The following EDIL3 variants were observed in gnomAD, a reference collection of about 807,000 sequenced individuals.
EDIL3 encodes the protein EGF-like repeat and discoidin I-like domain-containing protein 3.
In EDIL3, 37 loss-of-function variants were observed where a neutral mutation model predicts 67.4. That is an observed-to-expected ratio of 0.55 (90% CI 0.42 to 0.72). The LOEUF is 0.72. Ranked by LOEUF, EDIL3 falls within the 30% of genes least tolerant of loss-of-function variation. EDIL3 has a pLI of 0.00. For missense variants in EDIL3, 527 were observed against 586.3 expected, an observed-to-expected ratio of 0.90 and a Z score of 1.04; for synonymous variants, 195 against 196.3, an observed-to-expected ratio of 0.99 and a Z score of 0.05.
At chr5:84,088,461 A>G (rs1057271830) in intron 6 of EDIL3, among the ~76,000 whole-genome samples, 2 of 152,236 alleles carry the variant, frequency 1.3e-5, no homozygotes, top group Non-Finnish European at 2.9e-5. Context: ...ATGTAAAAAT[A>G]CTGGCTTAGG....
chr5:84,006,598 G>A (rs959284844), intron 9 of EDIL3, among the ~76,000 whole-genome samples: 5 of 152,020 alleles, frequency 3.3e-5, no homozygotes, highest in Non-Finnish European at 7.4e-5. Context: ...GGAAGGCAAG[G>A]ATTTAAAAAA....
chr5:84,204,257 C>T lies in EDIL3; in HGVS notation c.227-23736G>A, dbSNP rs544438903. Among the ~76,000 whole-genome samples, 15 of 152,274 alleles carry T rather than the reference C, an allele frequency of 9.9e-5. 2 individuals carry two copies. In the South Asian group the frequency reaches 3.1e-3, roughly 32 times the overall value. On this transcript the variant is annotated intron_variant, in intron 3 of 10. Coordinates refer to ENST00000296591, the MANE Select transcript of EDIL3 (RefSeq NM_005711.5). ...TGTTAGTCAAATTTACTTTCATATA[C>T]TTCAGGGAATAATGTCCACTGCATA... is the stretch of plus-strand genomic sequence containing the variant.
intron 7 of EDIL3, 48 bp downstream of exon 7, chr5:84,066,403 T>C (rs181154968): frequency 6.5e-7 from 1 of 1,529,040 alleles, no homozygotes; most frequent in Admixed American, 2.3e-5. Flanking sequence ...AATCAATAAT[T>C]ATCAATGACA....
intron 6 of EDIL3, among the ~76,000 whole-genome samples, chr5:84,103,388 G>C (rs1019643163): frequency 3.3e-5 from 5 of 152,070 alleles, no homozygotes; most frequent in Non-Finnish European, 7.4e-5. Context: ...TTAAACTAAA[G>C]AGCTTCTGCA....
intron 3 of EDIL3, among the ~76,000 whole-genome samples, chr5:84,190,942 A>G (rs1743573582): frequency 6.6e-6 from 1 of 151,972 alleles, no homozygotes; most frequent in South Asian, 2.1e-4. Context: ...TAAATGTGTG[A>G]TGATTGACTT....
intron 1 of EDIL3, among the ~76,000 whole-genome samples, chr5:84,327,058 G>A (rs1002953182): frequency 6.6e-5 from 10 of 151,788 alleles, no homozygotes; most frequent in African/African-American, 1.7e-4. Context: ...ATTGTGAAAC[G>A]ATTACTACAA....
intron 5 of EDIL3, among the ~76,000 whole-genome samples, chr5:84,133,464 C>CAAAAAAA (rs5869210): frequency 0.016 from 1,365 of 85,612 alleles, no homozygotes; most frequent in Middle Eastern, 0.019. Context: ...ACTAAAAATA[C>CAAAAAAA]AAAAAAAAAA....
chr5:84,334,671 A>G (rs1271565601), intron 1 of EDIL3, among the ~76,000 whole-genome samples: 1 of 152,224 alleles, frequency 6.6e-6, no homozygotes, highest in Non-Finnish European at 1.5e-5. Flanking sequence ...TTAAAGTATC[A>G]TCATCAAAAG....
At chr5:84,098,222 A>G (rs1181906525) in intron 6 of EDIL3, among the ~76,000 whole-genome samples, 2 of 152,116 alleles carry the variant, frequency 1.3e-5, no homozygotes, top group Non-Finnish European at 2.9e-5. Context: ...GGCAATTTCA[A>G]TTTTCGTTTC....
intron 4 of EDIL3, among the ~76,000 whole-genome samples, chr5:84,147,316 C>T (rs1748305816): frequency 6.6e-6 from 1 of 151,970 alleles, no homozygotes; most frequent in South Asian, 2.1e-4. Context: ...CTTTCTATGG[C>T]TAATGGCATT....
chr5:83,992,128 A>G lies in EDIL3; in HGVS notation c.1138-28768T>C, dbSNP rs141293708. Among the ~76,000 whole-genome samples the G allele has an allele frequency of 1.6e-4, 24 of 152,294 alleles. 1 individual carries two copies. The highest frequency in any genetic ancestry group is 4.1e-4 in the African/African-American group (17 of 41,578). ...AGTGATTCAATCATGCAAGAACAAT[A>G]GTGGATATTAAGAGCTATTGTCACT... On this transcript the variant is annotated intron_variant, in intron 9 of 10. Transcript: ENST00000296591.
At chr5:84,368,129 A>C (rs1288323404) in intron 1 of EDIL3, among the ~76,000 whole-genome samples, 1 of 152,094 alleles carries the variant, frequency 6.6e-6, no homozygotes, top group African/African-American at 2.4e-5. Context: ...GCTTTTTTAC[A>C]AAAAAATTTT....
At chr5:84,251,578 C>T (rs961230923) in intron 2 of EDIL3, among the ~76,000 whole-genome samples, 23 of 152,196 alleles carry the variant, frequency 1.5e-4, no homozygotes, top group Admixed American at 2.6e-4. Flanking sequence ...TTTAGTACAC[C>T]TTTCATATGC....
intron 6 of EDIL3, among the ~76,000 whole-genome samples, chr5:84,073,844 CTACT>C (rs1332465599): frequency 6.6e-6 from 1 of 152,114 alleles, no homozygotes; most frequent in Non-Finnish European, 1.5e-5. Flanking sequence ...TTGGAAAAAA[CTACT>C]TTAAAGTTCA....
intron 8 of EDIL3, among the ~76,000 whole-genome samples, chr5:84,064,200 T>C (rs1394942733): frequency 6.6e-6 from 1 of 152,118 alleles, no homozygotes; most frequent in Non-Finnish European, 1.5e-5. Flanking sequence ...TATTGAGGAA[T>C]GAGAAATTAA....
intron 1 of EDIL3, among the ~76,000 whole-genome samples, chr5:84,312,063 T>C (rs1296623040): frequency 6.6e-6 from 1 of 152,170 alleles, no homozygotes; most frequent in East Asian, 1.9e-4. Flanking sequence ...CCGTTCTCAA[T>C]GAGCTGTTGG....
chr5:84,118,687 G>A (rs1337588884), intron 5 of EDIL3, among the ~76,000 whole-genome samples: 1 of 152,108 alleles, frequency 6.6e-6, no homozygotes, highest in Non-Finnish European at 1.5e-5. Context: ...TTTAGAGTTG[G>A]AATTTCTACC....
intron 1 of EDIL3, among the ~76,000 whole-genome samples, chr5:84,271,587 A>G (rs957614983): frequency 1.3e-5 from 2 of 152,088 alleles, no homozygotes; most frequent in Non-Finnish European, 2.9e-5. Context: ...GATATGTTGT[A>G]AGCTTGTAAG....
intron 8 of EDIL3, among the ~76,000 whole-genome samples, chr5:84,063,000 T>C (rs1250177746): frequency 6.6e-6 from 1 of 152,136 alleles, no homozygotes; most frequent in Non-Finnish European, 1.5e-5. Context: ...GATATTACTC[T>C]CTGCATGCAA....
Sources: gnomAD v4.1 joint callset for allele counts (sites outside exome capture counted in the v4.1 genomes callset) on GRCh38, gnomAD v4.1.1 for gene constraint, MANE v1.5 for transcripts, NCBI Gene and HGNC (gene_info 2026-07-23, HGNC 2026-07-21) for gene names.